Variants in VPS18 observed in about 807,000 individuals in gnomAD.
VPS18 encodes vacuolar protein sorting-associated protein 18 homolog.
Under a neutral mutation model 82.0 loss-of-function variants are expected in VPS18, and 25 were observed. The ratio of observed to expected loss-of-function variants is 0.30; its 90% CI spans 0.22 to 0.43. The LOEUF is 0.43. Among genes scored for constraint, VPS18 ranks in the 20% least tolerant of loss-of-function variants. The pLI is 1.00. For synonymous variants in VPS18, 523 were observed against 543.0 expected (o/e 0.96, Z 0.51); for missense variants, 1,168 against 1,311.1 (o/e 0.89, Z 1.69).
chr15:40,896,709 G>T (rs1447341700), intron 2 of VPS18, among the ~76,000 whole-genome samples: 2 of 151,788 alleles, frequency 1.3e-5, no homozygotes, highest in African/African-American at 4.8e-5. Context: ...TACTGGGGAG[G>T]CTGAGGCAGG....
Position 40,902,804 on chromosome 15 carries a change from C to T in VPS18, c.2385C>T (p.Phe795=), listed in dbSNP as rs550091305. 233 of 1,614,266 alleles carry T rather than the reference C, an allele frequency of 1.4e-4. 2 individuals are homozygous for T. In the South Asian group the frequency reaches 2.3e-3, roughly 16 times the overall value. The change falls in exon 5 of 5, where the codon TTC becomes TTT. Residue 795 remains phenylalanine, a synonymous_variant. Coordinates refer to ENST00000220509, the MANE Select transcript of VPS18 (RefSeq NM_020857.3). The surrounding 1 kb of genome is among the most constrained non-coding windows in gnomAD (Gnocchi z 4.2). ...IEDVLPFFPD[F]VTIDHFKEAI... ...ATGTGCTGCCCTTCTTTCCTGATTT[C>T]GTCACCATCGACCACTTCAAGGAGG...
intron 2 of VPS18, among the ~76,000 whole-genome samples, chr15:40,896,898 G>C (rs1001466074): frequency 6.6e-6 from 1 of 151,934 alleles, no homozygotes; most frequent in Non-Finnish European, 1.5e-5. Context: ...GAGCATTCTT[G>C]TGGTGGGAAA....
rs776596580 is a variant in VPS18, at chr15:40,896,027, G to T, written c.181G>T (p.Val61Phe). 6.2e-7 allele frequency: 1 copy of T among 1,614,180 alleles called. No homozygotes were observed. Among genetic ancestry groups the T allele is most frequent in the Non-Finnish European group, 8.5e-7 (1 of 1,180,034 alleles). The change falls in exon 2 of 5, where the codon GTC (valine) becomes TTC (phenylalanine). Residue 61 changes from valine (V) to phenylalanine (F), a missense_variant. Physicochemically the swap from Val to Phe is conservative, Grantham distance 50. Coordinates refer to ENST00000220509, the MANE Select transcript of VPS18 (RefSeq NM_020857.3). ...FTPSERITSL[V>F]VSSNQLCMSL... The stretch of plus-strand genomic sequence containing the variant: ...CCCTTCCGAGCGCATTACCAGTCTT[G>T]TCGTCTCCAGCAATCAGCTGTGCAT...
At chr15:40,901,442 C>G (rs1474919574) in intron 4 of VPS18, among the ~76,000 whole-genome samples, 1 of 151,798 alleles carries the variant, frequency 6.6e-6, no homozygotes, top group East Asian at 1.9e-4. Context: ...TAAAAATTAG[C>G]CGGACATTGT....
chr15:40,895,007 C>T, intron 1 of VPS18, 148 bp downstream of exon 1: 1 of 788,746 alleles, frequency 1.3e-6, no homozygotes, highest in Non-Finnish European at 1.9e-6. Flanking sequence ...GCTCTCTTGG[C>T]CCCCAGCTGG....
Position 40,903,454 on chromosome 15 carries a change from C to A in VPS18, c.*113C>A. The A allele has an allele frequency of 7.0e-7, 1 of 1,424,660 alleles. No homozygotes were observed. The highest frequency in any genetic ancestry group is 1.5e-5 in the South Asian group (1 of 65,776). 88.3% of individuals were successfully genotyped at this position (1,424,660 alleles called of 1,614,324 possible). A position where few individuals can be genotyped will look rare whatever the true frequency, so the allele number is the denominator to read the frequency against. Reference sequence around the variant, plus strand: ...CATCTTGCAATTGCCACACTGTGACCACGTTGACGGGAGTAGAGTAGCGCT... The same window carrying A: ...CATCTTGCAATTGCCACACTGTGACAACGTTGACGGGAGTAGAGTAGCGCT... On this transcript the variant is annotated 3_prime_UTR_variant, in exon 5 of 5. Coordinates refer to ENST00000220509, the MANE Select transcript of VPS18 (RefSeq NM_020857.3).
At chr15:40,895,350 G>C (rs1346426200) in intron 1 of VPS18, among the ~76,000 whole-genome samples, 2 of 152,200 alleles carry the variant, frequency 1.3e-5, no homozygotes, top group Admixed American at 6.5e-5. Context: ...GCTGGGTGCA[G>C]CCTGGAGTTT....
rs973124430 is a variant in VPS18, at chr15:40,899,782, G to A, written c.964G>A (p.Ala322Thr). ...GTACCCAGAGGGGGTAGGGCCTGGG[G>A]CCAGCCCACCCCTAGCCATCGTCTT... ...WEYPEGVGPG[A>T]SPPLAIVLTQ... Residue 322 changes from alanine to threonine, a missense_variant, in exon 4 of 5, where the codon GCC (alanine) becomes ACC (threonine). Transcript: ENST00000220509. The surrounding 1 kb of genome is among the most constrained non-coding windows in gnomAD (Gnocchi z 4.4). The A allele has an allele frequency of 5.0e-6, 8 of 1,612,246 alleles. 1 individual carries two copies. The Admixed American group carries it at 8.3e-5, about 17-fold the overall frequency.
chr15:40,900,496 G>C lies in VPS18; in HGVS notation c.1678G>C (p.Ala560Pro), dbSNP rs764909630. Residue 560 changes from alanine to proline, a missense_variant, in exon 4 of 5, where the codon GCA (alanine) becomes CCA (proline). By Grantham distance (27) the Ala-to-Pro change is conservative. Around this residue, in one of 3 missense-constraint regions of VPS18, gnomAD observed 868 missense variants for 939.8 expected, o/e 0.92. Transcript: ENST00000220509. This position sits in a 1 kb window ranked among gnomAD's most constrained non-coding sequence, Gnocchi z 5.4. ...HGDTEHMVYF[A>P]VIMQDYERVV... ...GGACACAGAACACATGGTGTACTTT[G>C]CAGTGATCATGCAGGACTATGAGCG... 5 of 1,614,026 alleles carry C rather than the reference G, an allele frequency of 3.1e-6. No individual in the cohort carries two copies.
rs1264688822 is a variant in VPS18, at chr15:40,902,807, C to G, written c.2388C>G (p.Val796=). ...EDVLPFFPDF[V]TIDHFKEAIC... Reference sequence around the variant, plus strand: ...TGCTGCCCTTCTTTCCTGATTTCGTCACCATCGACCACTTCAAGGAGGCGA... The same window carrying G: ...TGCTGCCCTTCTTTCCTGATTTCGTGACCATCGACCACTTCAAGGAGGCGA... The change falls in exon 5 of 5, where the codon GTC becomes GTG. Residue 796 remains valine, a synonymous_variant. Transcript: ENST00000220509. This position sits in a 1 kb window ranked among gnomAD's most constrained non-coding sequence, Gnocchi z 4.2. 1 of 1,614,160 alleles carries G rather than the reference C, an allele frequency of 6.2e-7. No homozygotes were observed. Among genetic ancestry groups the G allele is most frequent in the African/African-American group, 1.3e-5 (1 of 74,954 alleles).
chr15:40,894,962 G>A, intron 1 of VPS18, 103 bp downstream of exon 1: 3 of 1,170,516 alleles, frequency 2.6e-6, no homozygotes, highest in South Asian at 1.6e-5. Flanking sequence ...CCCCTGGGCC[G>A]TGCCTTCCGG....
In VPS18 at chr15:40,900,065, G is replaced by A. The variant is rs199933504; in HGVS notation, c.1247G>A (p.Arg416Gln). Reference protein sequence around the residue: ...NRFDLAKEYCRERPDCLDTVL... With the variant: ...NRFDLAKEYCQERPDCLDTVL... ...TTCGATCTGGCCAAAGAGTATTGTC[G>A]AGAGCGGCCCGACTGCCTGGACACG... Residue 416 changes from arginine to glutamine, a missense_variant, in exon 4 of 5, where the codon CGA (arginine) becomes CAA (glutamine). Transcript: ENST00000220509. This position sits in a 1 kb window ranked among gnomAD's most constrained non-coding sequence, Gnocchi z 5.4. 1.9e-5 allele frequency: 30 copies of A among 1,613,630 alleles called. 1 individual carries two copies. Among genetic ancestry groups the A allele is most frequent in the Non-Finnish European group, 2.2e-5 (26 of 1,180,020 alleles).
chr15:40,900,371 A>T lies in VPS18; in HGVS notation c.1553A>T (p.Glu518Val), dbSNP rs191068567. ...CCAGAGGCCCTGACTCTCTACCGAGAAACCAAGGAATGCTTTCGAACCTTC... is the reference window on the plus strand; with the variant it reads ...CCAGAGGCCCTGACTCTCTACCGAGTAACCAAGGAATGCTTTCGAACCTTC... ...GDPEALTLYRETKECFRTFLS... is the reference protein window; with the variant it reads ...GDPEALTLYRVTKECFRTFLS... The change falls in exon 4 of 5, where the codon GAA becomes GTA. Residue 518 changes from glutamate (E) to valine (V), a missense_variant. Coordinates refer to ENST00000220509, the MANE Select transcript of VPS18 (RefSeq NM_020857.3). The surrounding 1 kb of genome is among the most constrained non-coding windows in gnomAD (Gnocchi z 5.4). The T allele has an allele frequency of 4.3e-6, 7 of 1,613,696 alleles. No individual in the cohort carries two copies. In the African/African-American group the frequency reaches 8.0e-5, roughly 18 times the overall value.
chr15:40,896,024 C>CT lies in VPS18; in HGVS notation c.180dup (p.Val61CysfsTer20). The CT allele has an allele frequency of 1.2e-6, 2 of 1,614,212 alleles. No homozygotes were observed. The highest frequency in any genetic ancestry group is 1.7e-6 in the Non-Finnish European group (2 of 1,180,038). Reference sequence around the variant, plus strand: ...CACCCCTTCCGAGCGCATTACCAGTCTTGTCGTCTCCAGCAATCAGCTGTG... The same window carrying CT: ...CACCCCTTCCGAGCGCATTACCAGTCTTTGTCGTCTCCAGCAATCAGCTGTG... On this transcript the variant is annotated frameshift_variant, in exon 2 of 5. Coordinates refer to ENST00000220509, the MANE Select transcript of VPS18 (RefSeq NM_020857.3). LOFTEE classifies it high-confidence loss of function.
At position 40,899,873 on chromosome 15, in the gene VPS18, A is replaced by G. The variant is rs1243931743; in HGVS notation, c.1055A>G (p.Gln352Arg). Residue 352 changes from glutamine (Q) to arginine (R), a missense_variant, in exon 4 of 5, where the codon CAG (glutamine) becomes CGG (arginine). By Grantham distance (43) the Gln-to-Arg change is conservative. Around this residue, in one of 3 missense-constraint regions of VPS18, gnomAD observed 868 missense variants for 939.8 expected, o/e 0.92. Coordinates refer to ENST00000220509, the MANE Select transcript of VPS18 (RefSeq NM_020857.3). This position sits in a 1 kb window ranked among gnomAD's most constrained non-coding sequence, Gnocchi z 4.4. ...RVEAVCTLTG[Q>R]VVLRDHFLEK... ...GAGGCAGTGTGCACACTGACCGGGCAGGTGGTGCTGCGGGATCACTTCCTG... is the reference window on the plus strand; with the variant it reads ...GAGGCAGTGTGCACACTGACCGGGCGGGTGGTGCTGCGGGATCACTTCCTG... 6 of 1,609,270 alleles carry G rather than the reference A, an allele frequency of 3.7e-6. No individual in the cohort carries two copies. The highest frequency in any genetic ancestry group is 5.1e-6 in the Non-Finnish European group (6 of 1,180,008).
At position 40,899,075 on chromosome 15, in the gene VPS18, G is replaced by A; in HGVS notation, c.326-69G>A. The A allele has an allele frequency of 6.2e-7, 1 of 1,605,802 alleles. No homozygotes were observed. The highest frequency in any genetic ancestry group is 8.5e-7 in the Non-Finnish European group (1 of 1,174,160). On this transcript the variant is annotated intron_variant, in intron 3 of 4. Coordinates refer to ENST00000220509, the MANE Select transcript of VPS18 (RefSeq NM_020857.3). The surrounding 1 kb of genome is among the most constrained non-coding windows in gnomAD (Gnocchi z 4.4). ...GGTGGGTGGGCTCTGAGGGTGGTGTGGGGGCCAGGAGGAGGCTGAGGATGG... is the reference window on the plus strand; with the variant it reads ...GGTGGGTGGGCTCTGAGGGTGGTGTAGGGGCCAGGAGGAGGCTGAGGATGG...
In VPS18 at chr15:40,894,841, G is replaced by A. The variant is rs760606865; in HGVS notation, c.73G>A (p.Val25Met). Reference protein sequence around the residue: ...SAVLQPGCPSVGIPHSGYVNA... With the variant: ...SAVLQPGCPSMGIPHSGYVNA... The stretch of plus-strand genomic sequence containing the variant: ...CGTCTTGCAGCCCGGCTGCCCTAGC[G>A]TGGGCATCCCCCACTCGGGTAAGGA... The change falls in exon 1 of 5, where the codon GTG becomes ATG. Residue 25 changes from valine to methionine, a missense_variant. This residue lies in a region of VPS18 where 868 missense variants were observed against 939.8 expected (regional missense o/e 0.92). Transcript: ENST00000220509. 4.5e-6 allele frequency: 7 copies of A among 1,553,688 alleles called. No homozygotes were observed. Among genetic ancestry groups the A allele is most frequent in the African/African-American group, 1.4e-5 (1 of 73,278 alleles).
rs1049492144 is a variant in VPS18, at chr15:40,894,749, G to A, written c.-20G>A. 2 of 1,539,954 alleles carry A rather than the reference G, an allele frequency of 1.3e-6. No individual in the cohort carries two copies. Among genetic ancestry groups the A allele is most frequent in the Non-Finnish European group, 1.8e-6 (2 of 1,140,936 alleles). On this transcript the variant is annotated 5_prime_UTR_variant, in exon 1 of 5. Coordinates refer to ENST00000220509, the MANE Select transcript of VPS18 (RefSeq NM_020857.3). The stretch of plus-strand genomic sequence containing the variant: ...TTGTAATCCCCAGGCCCCGGACAAA[G>A]AGCCCAGAGGCCGGGCACCATGGCG...
In VPS18 at chr15:40,899,770, G is replaced by T. The variant is rs1279335391; in HGVS notation, c.952G>T (p.Val318Leu). Residue 318 changes from valine to leucine, a missense_variant, in exon 4 of 5, where the codon GTA becomes TTA. This residue lies in a region of VPS18 where 868 missense variants were observed against 939.8 expected (regional missense o/e 0.92). Coordinates refer to ENST00000220509, the MANE Select transcript of VPS18 (RefSeq NM_020857.3). This position sits in a 1 kb window ranked among gnomAD's most constrained non-coding sequence, Gnocchi z 4.4. ...EERVWEYPEG[V>L]GPGASPPLAI... Reference sequence around the variant, plus strand: ...GCGAGTCTGGGAGTACCCAGAGGGGGTAGGGCCTGGGGCCAGCCCACCCCT... The same window carrying T: ...GCGAGTCTGGGAGTACCCAGAGGGGTTAGGGCCTGGGGCCAGCCCACCCCT... 1.2e-6 allele frequency: 2 copies of T among 1,613,052 alleles called. No individual in the cohort carries two copies. Among genetic ancestry groups the T allele is most frequent in the Non-Finnish European group, 1.7e-6 (2 of 1,180,032 alleles).
Sources: gnomAD v4.1 joint callset for allele counts (sites outside exome capture counted in the v4.1 genomes callset) on GRCh38, gnomAD v4.1.1 for gene constraint, gnomAD v4.1.1 regional missense constraint, Gnocchi (gnomAD v3.1) non-coding constraint, MANE v1.5 for transcripts, NCBI Gene and HGNC (gene_info 2026-07-23, HGNC 2026-07-21) for gene names.